FZR1: variants seen among roughly 807,000 people sequenced by gnomAD.
FZR1 encodes the protein fizzy and cell division cycle 20 related 1.
In FZR1, 11 loss-of-function variants were observed where a neutral mutation model predicts 63.6. The ratio of observed to expected loss-of-function variants is 0.17; its 90% CI spans 0.11 to 0.29. FZR1 has a LOEUF of 0.29. Among genes scored for constraint, FZR1 ranks in the 10% least tolerant of loss-of-function variants. The pLI, the probability that FZR1 is intolerant of heterozygous loss-of-function variation, is 1.00. For missense variants in FZR1, 440 were observed against 687.5 expected (o/e 0.64, Z 4.03); for synonymous variants, 328 against 297.9 (o/e 1.10, Z -1.04).
intron 7 of FZR1, 33 bp downstream of exon 7, chr19:3,527,847 G>C (rs1191373643): frequency 6.4e-7 from 1 of 1,551,080 alleles, no homozygotes; most frequent in East Asian, 2.3e-5. Flanking sequence ...ATGTGCATGG[G>C]GGCCTCCCCA....
intron 7 of FZR1, among the ~76,000 whole-genome samples, chr19:3,528,843 G>A (rs1022398071): frequency 7.5e-6 from 1 of 133,892 alleles, no homozygotes; most frequent in Non-Finnish European, 1.7e-5. Flanking sequence ...GGATGAGAGA[G>A]TGGATGGGTG....
chr19:3,520,921 G>A (rs1218833897), intron 1 of FZR1, among the ~76,000 whole-genome samples: 1 of 152,178 alleles, frequency 6.6e-6, no homozygotes, highest in Non-Finnish European at 1.5e-5. Flanking sequence ...GTGTCGCCTC[G>A]GCCCTTCTGG....
At position 3,514,438 on chromosome 19, in the gene FZR1, C is replaced by G. The variant is rs1166773258; in HGVS notation, c.-35+7964C>G. On this transcript the variant is annotated intron_variant, in intron 1 of 13. Transcript: ENST00000441788. The surrounding 1 kb of genome is among the most constrained non-coding windows in gnomAD (Gnocchi z 4.2). ...GGCACTACAGGGTGCTGAGCAGCGT[C>G]CCTGGCCTCCACCCACTCCACGCCA... 6.6e-6 allele frequency among the ~76,000 whole-genome samples: 1 copy of G among 152,150 alleles called. No individual in the cohort carries two copies. Among genetic ancestry groups the G allele is most frequent in the Non-Finnish European group, 1.5e-5 (1 of 68,020 alleles).
intron 1 of FZR1, among the ~76,000 whole-genome samples, chr19:3,509,110 G>A (rs1478740324): frequency 1.3e-5 from 2 of 152,218 alleles, no homozygotes; most frequent in African/African-American, 4.8e-5. Flanking sequence ...TCACTGCCTT[G>A]CCCACATGTC....
chr19:3,520,174 G>A (rs1036110025), intron 1 of FZR1, among the ~76,000 whole-genome samples: 15 of 152,348 alleles, frequency 9.8e-5, no homozygotes, highest in Admixed American at 7.2e-4. Flanking sequence ...TGGCCCAGGA[G>A]TGGTCGGGTG....
intron 2 of FZR1, 33 bp downstream of exon 2, chr19:3,523,091 T>C: frequency 2.3e-6 from 3 of 1,312,284 alleles, no homozygotes; most frequent in South Asian, 1.2e-5. Context: ...CCACTGTGGC[T>C]CCCCCTCCCC....
rs1280472931 is a variant in FZR1 at position 3,525,862 on chromosome 19, C to T, written c.70-6C>T. ...TGAGAGCAAGCCCTCTGCTGATGCC[C>T]TTCAGGTCACAGAGATGCGGCGGAC... On this transcript the variant is annotated splice_polypyrimidine_tract_variant and splice_region_variant and intron_variant, in intron 2 of 13. Coordinates refer to ENST00000441788, the MANE Select transcript of FZR1 (RefSeq NM_016263.4). The surrounding 1 kb of genome is among the most constrained non-coding windows in gnomAD (Gnocchi z 4.2). 5 of 1,610,624 alleles carry T rather than the reference C, an allele frequency of 3.1e-6. No homozygotes were observed. The highest frequency in any genetic ancestry group is 4.2e-6 in the Non-Finnish European group (5 of 1,179,884).
intron 10 of FZR1, 115 bp downstream of exon 10, chr19:3,532,210 C>T: frequency 3.8e-6 from 4 of 1,042,728 alleles, no homozygotes; most frequent in Non-Finnish European, 5.4e-6. Context: ...ACTCCACAGC[C>T]ATCAGCAGGG....
intron 1 of FZR1, among the ~76,000 whole-genome samples, chr19:3,506,721 C>T (rs1422251198): frequency 6.6e-6 from 1 of 151,964 alleles, no homozygotes; most frequent in Non-Finnish European, 1.5e-5. Flanking sequence ...CTGCCGTGAC[C>T]CCCACCCCGA....
intron 2 of FZR1, 49 bp downstream of exon 2, chr19:3,523,107 G>A: frequency 8.6e-7 from 1 of 1,161,020 alleles, no homozygotes; most frequent in Non-Finnish European, 1.3e-6. Flanking sequence ...TCCCCCAGCT[G>A]CCTCTGCCCT....
chr19:3,513,527 CA>C (rs1396505418), intron 1 of FZR1, among the ~76,000 whole-genome samples: 1 of 152,150 alleles, frequency 6.6e-6, no homozygotes, highest in Non-Finnish European at 1.5e-5. Context: ...TCCCAGGCCC[CA>C]AGATGCAATG....
At position 3,534,785 on chromosome 19, in the gene FZR1, G is replaced by A; in HGVS notation, c.1441-10G>A. 2 of 1,612,556 alleles carry A rather than the reference G, an allele frequency of 1.2e-6. No homozygotes were observed. The highest frequency in any genetic ancestry group is 1.7e-6 in the Non-Finnish European group (2 of 1,179,430). ...GGCTCAGCGCATCTGCCATCCCCAT[G>A]TGTCTGCAGGAGTCTGTGTCTGTGC... On this transcript the variant is annotated splice_polypyrimidine_tract_variant and intron_variant, in intron 13 of 13. Coordinates refer to ENST00000441788, the MANE Select transcript of FZR1 (RefSeq NM_016263.4).
rs2029951424 is a variant in FZR1, at chr19:3,536,099, C to G, written c.*1263C>G. The G allele has an allele frequency of 6.6e-6, 1 of 150,636 alleles. No homozygotes were observed. Among genetic ancestry groups the G allele is most frequent in the Non-Finnish European group, 1.5e-5 (1 of 67,898 alleles). 9.3% of individuals were successfully genotyped at this position (150,636 alleles called of 1,614,324 possible). A position where few individuals can be genotyped will look rare whatever the true frequency, so the allele number is the denominator to read the frequency against. On this transcript the variant is annotated 3_prime_UTR_variant, in exon 14 of 14. Transcript: ENST00000441788. ...CCACCACCCTGCTGTGCTTGGGAAC[C>G]CCCACTCCCCACTCCCCACATCCCA...
At chr19:3,529,628 G>A (rs1412635021) in intron 7 of FZR1, among the ~76,000 whole-genome samples, 2 of 150,282 alleles carry the variant, frequency 1.3e-5, no homozygotes, top group Non-Finnish European at 3.0e-5. Context: ...GCAGATGGGA[G>A]AGCGGATGGG....
rs1426567806 is a variant in FZR1, at chr19:3,526,357, T to C, written c.358T>C (p.Ser120Pro). The C allele has an allele frequency of 6.3e-7, 1 of 1,597,862 alleles. No individual in the cohort carries two copies. Among genetic ancestry groups the C allele is most frequent in the Non-Finnish European group, 8.5e-7 (1 of 1,173,468 alleles). The change falls in exon 5 of 14, where the codon TCC becomes CCC. Residue 120 changes from serine to proline, a missense_variant. Ser to Pro is a moderately conservative substitution (Grantham distance 74). Coordinates refer to ENST00000441788, the MANE Select transcript of FZR1 (RefSeq NM_016263.4). This position sits in a 1 kb window ranked among gnomAD's most constrained non-coding sequence, Gnocchi z 5.4. ...GACTGAGGACCGCAGGCTGCAGCCC[T>C]CCACGCCTGAGAAGAAGGGTCTGTT... ...PQTEDRRLQP[S>P]TPEKKGLFTY...
chr19:3,516,613 C>T lies in FZR1; in HGVS notation c.-34-6343C>T, dbSNP rs913378440. Among the ~76,000 whole-genome samples, 2 of 152,012 alleles carry T rather than the reference C, an allele frequency of 1.3e-5. No individual in the cohort carries two copies. The highest frequency in any genetic ancestry group is 2.4e-5 in the African/African-American group (1 of 41,376). On this transcript the variant is annotated intron_variant, in intron 1 of 13. Coordinates refer to ENST00000441788, the MANE Select transcript of FZR1 (RefSeq NM_016263.4). The surrounding 1 kb of genome is among the most constrained non-coding windows in gnomAD (Gnocchi z 6.0). ...GAGGTGCCCCGGGAGGCCCCAGGCC[C>T]GGGATACAGGACCCTCCAGATCTCG...
chr19:3,530,291 CGCAGGGGAGAGCGG>C (rs2083229973), intron 7 of FZR1, among the ~76,000 whole-genome samples: 1 of 116,896 alleles, frequency 8.6e-6, no homozygotes, highest in Non-Finnish European at 1.8e-5. Context: ...GATGGGAGAG[CGCAGGGGAGAGCGG>C]AGGAGAGAGC....
Position 3,531,761 on chromosome 19 carries a change from G to C in FZR1, c.768G>C (p.Trp256Cys). 6.5e-7 allele frequency: 1 copy of C among 1,550,148 alleles called. No individual in the cohort carries two copies. ...VGTHKGFVQI[W>C]DAAAGKKLSM... ...CACACAAGGGCTTCGTGCAGATCTG[G>C]GACGCAGCCGCAGGGAAGAAGCTGT... Residue 256 changes from tryptophan to cysteine, a missense_variant, in exon 9 of 14, where the codon TGG (tryptophan) becomes TGC (cysteine). Trp to Cys is a radical substitution (Grantham distance 215, BLOSUM62 -2). Around this residue, in one of 5 missense-constraint regions of FZR1, gnomAD observed 208 missense variants for 363.6 expected, o/e 0.57. Transcript: ENST00000441788.
At chr19:3,509,942 C>G (rs151054011) in intron 1 of FZR1, among the ~76,000 whole-genome samples, 1 of 152,174 alleles carries the variant, frequency 6.6e-6, no homozygotes, top group Non-Finnish European at 1.5e-5. Context: ...GGCGACCGTC[C>G]TTGTTGCTCT....
Sources: allele counts gnomAD v4.1 joint callset (sites outside exome capture counted in the v4.1 genomes callset), GRCh38; gene constraint gnomAD v4.1.1; regional missense constraint gnomAD v4.1.1; non-coding constraint Gnocchi (gnomAD v3.1); transcripts MANE v1.5; gene names NCBI Gene and HGNC (gene_info 2026-07-23, HGNC 2026-07-21).